The following TCERG1 variants were observed in gnomAD, a reference collection of about 807,000 sequenced individuals.
TCERG1 encodes the protein TATA box binding protein (TBP)-associated factor, RNA polymerase II, S, 150kD.
In TCERG1, 37 loss-of-function variants were observed where a neutral mutation model predicts 144.7. The observed-to-expected ratio is 0.26, with a 90% confidence interval of 0.20 to 0.34. The LOEUF (loss-of-function observed/expected upper bound fraction) is 0.34, where lower values mean the gene tolerates loss of function less well. Among genes scored for constraint, TCERG1 ranks in the 10% least tolerant of loss-of-function variants. TCERG1 has a pLI of 1.00. For synonymous variants in TCERG1, 492 were observed against 458.2 expected (o/e 1.07, Z -0.94); for missense variants, 1,027 against 1,380.7 (o/e 0.74, Z 4.06).
chr5:146,490,336 CT>C (rs954127269), intron 15 of TCERG1, among the ~76,000 whole-genome samples: 1 of 152,122 alleles, frequency 6.6e-6, no homozygotes, highest in African/African-American at 2.4e-5. Context: ...TTTTGTTGTA[CT>C]TGTTATAAAG....
chr5:146,471,750 C>T (rs554360095), intron 9 of TCERG1, among the ~76,000 whole-genome samples, 174 bp downstream of exon 9: 1 of 152,254 alleles, frequency 6.6e-6, no homozygotes, highest in African/African-American at 2.4e-5. Context: ...AGGCACACGC[C>T]ACCATGCCCA....
intron 5 of TCERG1, among the ~76,000 whole-genome samples, chr5:146,465,381 C>A (rs1420072588): frequency 6.6e-6 from 1 of 152,102 alleles, no homozygotes; most frequent in Non-Finnish European, 1.5e-5. Flanking sequence ...TTTAGAGGTT[C>A]TTATTAGGAC....
intron 1 of TCERG1, among the ~76,000 whole-genome samples, chr5:146,450,218 T>C (rs916243242): frequency 2.0e-5 from 3 of 152,210 alleles, no homozygotes; most frequent in African/African-American, 7.2e-5. Flanking sequence ...TTAGGAATAA[T>C]GATCCTGAGA....
chr5:146,506,336 C>A (rs1010955979), intron 19 of TCERG1, among the ~76,000 whole-genome samples: 1 of 152,146 alleles, frequency 6.6e-6, no homozygotes, highest in Non-Finnish European at 1.5e-5. Flanking sequence ...GTGAGCCAGC[C>A]AGACCTGTTA....
chr5:146,495,931 G>A (rs1766854912), intron 16 of TCERG1, among the ~76,000 whole-genome samples: 1 of 152,106 alleles, frequency 6.6e-6, no homozygotes. Flanking sequence ...GAGGCAGGTG[G>A]ATCACGAGGT....
At chr5:146,449,111 G>A (rs1762143168) in intron 1 of TCERG1, among the ~76,000 whole-genome samples, 1 of 152,178 alleles carries the variant, frequency 6.6e-6, no homozygotes, top group Non-Finnish European at 1.5e-5. Context: ...AATTAGGTGT[G>A]TATGTGGCCT....
intron 15 of TCERG1, among the ~76,000 whole-genome samples, chr5:146,487,295 TGAAA>T (rs1327331932): frequency 1.3e-5 from 2 of 152,028 alleles, no homozygotes; most frequent in Non-Finnish European, 2.9e-5. Flanking sequence ...AAGATACTGA[TGAAA>T]GAAACTGAAC....
In TCERG1 at chr5:146,461,671, A is replaced by G. The variant is rs1257170436; in HGVS notation, c.893-1880A>G. Reference sequence around the variant, plus strand: ...TTTGATGCCCTTATTTATTTTCCTGACTATAGTACTTTGGATCACAATTTT... The same window carrying G: ...TTTGATGCCCTTATTTATTTTCCTGGCTATAGTACTTTGGATCACAATTTT... On this transcript the variant is annotated intron_variant, in intron 4 of 22. Coordinates refer to ENST00000679501, the MANE Select transcript of TCERG1 (RefSeq NM_001382548.1). Among the ~76,000 whole-genome samples, 4 of 152,180 alleles carry G rather than the reference A, an allele frequency of 2.6e-5. No individual in the cohort carries two copies. The South Asian group carries it at 8.3e-4, about 32-fold the overall frequency.
chr5:146,486,469 A>G (rs2150610416), intron 15 of TCERG1, among the ~76,000 whole-genome samples: 1 of 152,358 alleles, frequency 6.6e-6, no homozygotes, highest in Non-Finnish European at 1.5e-5. Context: ...GACCATTTGC[A>G]TAAAGGATGC....
At chr5:146,496,737 G>T (rs1442718104) in intron 16 of TCERG1, among the ~76,000 whole-genome samples, 3 of 152,030 alleles carry the variant, frequency 2.0e-5, no homozygotes, top group Admixed American at 2.0e-4. Flanking sequence ...GGGTGCAGTG[G>T]CTCAGTCACA....
Position 146,496,227 on chromosome 5 carries a change from C to A in TCERG1, c.2283-2309C>A, listed in dbSNP as rs529719864. Among the ~76,000 whole-genome samples the A allele has an allele frequency of 2.6e-5, 4 of 152,112 alleles. No individual in the cohort carries two copies. In the South Asian group the frequency reaches 8.3e-4, roughly 32 times the overall value. ...ACTTAGGCTCATTAGCCCTCATAAG[C>A]CTCATCCTTTTATTTAACCTGTTTG... On this transcript the variant is annotated intron_variant, in intron 16 of 22. Transcript: ENST00000679501.
At position 146,482,668 on chromosome 5, in the gene TCERG1, G is replaced by A. The variant is rs996794633; in HGVS notation, c.2014G>A (p.Ala672Thr). 5 of 1,613,240 alleles carry A rather than the reference G, an allele frequency of 3.1e-6. No individual in the cohort carries two copies. Among genetic ancestry groups the A allele is most frequent in the Non-Finnish European group, 4.2e-6 (5 of 1,179,576 alleles). ...EAEIKAARER[A>T]IVPLEARMKQ... is the part of the protein sequence containing the mutation. ...TGAAATTAAAGCTGCCCGAGAAAGG[G>A]CCATTGTCCCTCTGGAGGCTCGAAT... is the stretch of plus-strand genomic sequence containing the variant. The change falls in exon 14 of 23, where the codon GCC (alanine) becomes ACC (threonine). Residue 672 changes from alanine (A) to threonine (T), a missense_variant. Physicochemically the swap from Ala to Thr is moderately conservative, Grantham distance 58. Coordinates refer to ENST00000679501, the MANE Select transcript of TCERG1 (RefSeq NM_001382548.1).
In TCERG1 at chr5:146,507,178, T is replaced by C; in HGVS notation, c.2932T>C (p.Phe978Leu). The C allele has an allele frequency of 6.2e-7, 1 of 1,603,522 alleles. No homozygotes were observed. The highest frequency in any genetic ancestry group is 8.5e-7 in the Non-Finnish European group (1 of 1,177,274). ...ACTTACCAAAAAAAAGAGAGAGCAC[T>C]TTAGGCAACTTCTGGATGAAACTTC... ...EALTKKKREH[F>L]RQLLDETSAI... Residue 978 changes from phenylalanine to leucine, a missense_variant, in exon 20 of 23, where the codon TTT becomes CTT. By Grantham distance (22) the Phe-to-Leu change is conservative (BLOSUM62 0). Transcript: ENST00000679501. This position sits in a 1 kb window ranked among gnomAD's most constrained non-coding sequence, Gnocchi z 4.6.
intron 15 of TCERG1, among the ~76,000 whole-genome samples, chr5:146,491,192 G>A (rs1766383897): frequency 6.6e-6 from 1 of 150,792 alleles, no homozygotes; most frequent in Admixed American, 6.6e-5. Flanking sequence ...TTGCCACGTT[G>A]CCCAGGCTGG....
At chr5:146,500,055 A>G (rs1767290233) in intron 17 of TCERG1, 1 of 152,180 alleles carries the variant, frequency 6.6e-6, no homozygotes. Flanking sequence ...AAGAAATTAA[A>G]TAGATATGAC....
chr5:146,506,695 A>G (rs1308172186), intron 19 of TCERG1, among the ~76,000 whole-genome samples: 1 of 152,174 alleles, frequency 6.6e-6, no homozygotes, highest in African/African-American at 2.4e-5. Flanking sequence ...TTTGGTGACC[A>G]TCTACTCTCT....
At chr5:146,487,731 CAAA>C (rs60367472) in intron 15 of TCERG1, among the ~76,000 whole-genome samples, 34,008 of 107,928 alleles carry the variant, frequency 0.32, 4,820 homozygotes, top group East Asian at 0.84. Flanking sequence ...GACCCTGTTT[CAAA>C]AAAAAAAAAA....
At chr5:146,454,268 G>A (rs991325783) in intron 1 of TCERG1, among the ~76,000 whole-genome samples, 5 of 151,760 alleles carry the variant, frequency 3.3e-5, no homozygotes, top group African/African-American at 9.7e-5. Context: ...TACTTTCCTC[G>A]TTGTTAGATT....
At chr5:146,488,539 G>C (rs1427606075) in intron 15 of TCERG1, among the ~76,000 whole-genome samples, 2 of 152,112 alleles carry the variant, frequency 1.3e-5, no homozygotes, top group Non-Finnish European at 2.9e-5. Context: ...GTCTCACTCA[G>C]TTAGGATGAC....
Sources: allele counts gnomAD v4.1 joint callset (sites outside exome capture counted in the v4.1 genomes callset), GRCh38; gene constraint gnomAD v4.1.1; non-coding constraint Gnocchi (gnomAD v3.1); transcripts MANE v1.5; gene names NCBI Gene and HGNC (gene_info 2026-07-23, HGNC 2026-07-21).